The following SOX6 variants were observed in gnomAD, a reference collection of about 807,000 sequenced individuals.
SOX6 encodes SRY-box transcription factor 6, also known as transcription factor SOX-6.
In SOX6, 11 loss-of-function variants were observed where a neutral mutation model predicts 97.8. The ratio of observed to expected loss-of-function variants is 0.11; its 90% confidence interval spans 0.07 to 0.19. The LOEUF (loss-of-function observed/expected upper bound fraction) is 0.19. Ranked by LOEUF, SOX6 falls within the 10% of genes least tolerant of loss-of-function variation. The probability of loss-of-function intolerance (pLI) is 1.00; values close to 1 mark genes in which losing one functional copy is unlikely to be tolerated. For missense variants in SOX6, 810 were observed against 1,039.5 expected (o/e 0.78, Z 3.04); for synonymous variants, 360 against 371.4 (o/e 0.97, Z 0.35).
chr11:16,188,908 C>T (rs1382980457), intron 4 of SOX6, among the ~76,000 whole-genome samples: 1 of 151,844 alleles, frequency 6.6e-6, no homozygotes, highest in African/African-American at 2.4e-5. Context: ...ACTAAAAATA[C>T]AAAAATTAGC....
At chr11:16,469,398 G>A (rs1373650009) in intron 1 of SOX6, among the ~76,000 whole-genome samples, 1 of 152,014 alleles carries the variant, frequency 6.6e-6, no homozygotes, top group African/African-American at 2.4e-5. Context: ...AAAAAGAGAT[G>A]TAAGGTCTTA....
At chr11:16,265,502 A>G (rs1041687048) in intron 3 of SOX6, among the ~76,000 whole-genome samples, 5 of 151,854 alleles carry the variant, frequency 3.3e-5, no homozygotes, top group African/African-American at 9.7e-5. Flanking sequence ...AAGAATATTT[A>G]TAGGAATATC....
chr11:16,463,385 G>A (rs1319407286), intron 1 of SOX6, among the ~76,000 whole-genome samples: 2 of 152,132 alleles, frequency 1.3e-5, no homozygotes, highest in Admixed American at 6.5e-5. Context: ...TTTTAGACTA[G>A]TGTAGAGACT....
At chr11:16,098,784 G>T (rs887441271) in intron 7 of SOX6, among the ~76,000 whole-genome samples, 5 of 151,824 alleles carry the variant, frequency 3.3e-5, no homozygotes, top group South Asian at 2.1e-4. Context: ...ACTGAAAGCT[G>T]AATGTAATAA....
chr11:16,161,345 G>A (rs1327495035), intron 6 of SOX6, among the ~76,000 whole-genome samples: 2 of 150,232 alleles, frequency 1.3e-5, no homozygotes, highest in South Asian at 4.2e-4. Context: ...AGATATATAT[G>A]TCTTATGTTT....
In SOX6 at chr11:16,226,863, T is replaced by G. The variant is rs190582862; in HGVS notation, c.535+7719A>C. Among the ~76,000 whole-genome samples the G allele has an allele frequency of 5.2e-4, 79 of 152,296 alleles. 1 individual carries two copies. In the Middle Eastern group the frequency reaches 0.031, roughly 59 times the overall value. ...ATAGAAAAGGGTAAAAGTGGAGTTA[T>G]TTTAGTTGTTTGTGGGTTGCGGGAG... On this transcript the variant is annotated intron_variant, in intron 4 of 15. Transcript: ENST00000683767.
At chr11:16,670,414 T>C (rs150060473) in intron 3 of SOX6, among the ~76,000 whole-genome samples, 37 of 152,216 alleles carry the variant, frequency 2.4e-4, no homozygotes, top group Admixed American at 6.5e-4. Context: ...CCAGTAACAG[T>C]GACTCCATGT....
At chr11:16,600,864 C>T (rs1015029162) in intron 4 of SOX6, among the ~76,000 whole-genome samples, 37 of 152,220 alleles carry the variant, frequency 2.4e-4, no homozygotes, top group African/African-American at 7.9e-4. Context: ...TTTGAAAAAC[C>T]TCAGGCCAAA....
intron 4 of SOX6, among the ~76,000 whole-genome samples, chr11:16,209,663 G>A (rs1159030320): frequency 1.3e-5 from 2 of 152,058 alleles, no homozygotes. Flanking sequence ...CAAGACACAA[G>A]AATCGTTTCA....
intron 1 of SOX6, among the ~76,000 whole-genome samples, chr11:16,384,733 C>T (rs1053525753): frequency 6.6e-6 from 1 of 152,112 alleles, no homozygotes; most frequent in Non-Finnish European, 1.5e-5. Flanking sequence ...GCAAATTTAG[C>T]TATTACCATG....
intron 2 of SOX6, among the ~76,000 whole-genome samples, chr11:16,724,117 C>G (rs1354472238): frequency 6.6e-6 from 1 of 152,090 alleles, no homozygotes; most frequent in Non-Finnish European, 1.5e-5. Flanking sequence ...TGAGGGAATA[C>G]TTGGATTTTT....
intron 3 of SOX6, 36 bp downstream of exon 3, chr11:16,318,410 A>G: frequency 6.2e-7 from 1 of 1,609,084 alleles, no homozygotes; most frequent in Non-Finnish European, 8.5e-7. Flanking sequence ...CTTTAGAAGA[A>G]AAAAAACAGA....
intron 4 of SOX6, among the ~76,000 whole-genome samples, chr11:16,535,964 A>T (rs889533270): frequency 2.6e-5 from 4 of 152,338 alleles, no homozygotes; most frequent in Admixed American, 2.6e-4. Flanking sequence ...GTACTTTAGG[A>T]CATGACCCAA....
At chr11:16,244,466 A>T (rs1330701465) in intron 3 of SOX6, among the ~76,000 whole-genome samples, 2 of 151,660 alleles carry the variant, frequency 1.3e-5, no homozygotes, top group Non-Finnish European at 3.0e-5. Context: ...CAATTTTTTA[A>T]TGACTAGTAT....
At chr11:16,039,286 A>C (rs768531338) in intron 12 of SOX6, among the ~76,000 whole-genome samples, 1 of 152,178 alleles carries the variant, frequency 6.6e-6, no homozygotes, top group East Asian at 1.9e-4. Flanking sequence ...GTACAACTGT[A>C]CTGTTTTGCT....
intron 2 of SOX6, among the ~76,000 whole-genome samples, chr11:16,734,017 A>T (rs372905122): frequency 3.8e-4 from 56 of 147,618 alleles, no homozygotes; most frequent in African/African-American, 1.4e-3. Flanking sequence ...ACAGAGCGAG[A>T]CTTTGTCTCA....
At chr11:16,718,773 C>T (rs1590063321) in intron 2 of SOX6, among the ~76,000 whole-genome samples, 1 of 151,836 alleles carries the variant, frequency 6.6e-6, no homozygotes, top group East Asian at 1.9e-4. Flanking sequence ...AAATATTACT[C>T]TTCATTTTAA....
At chr11:16,360,158 C>T (rs950474425), upstream of SOX6, among the ~76,000 whole-genome samples, 1 of 152,098 alleles carries the variant, frequency 6.6e-6, no homozygotes, top group Non-Finnish European at 1.5e-5. Flanking sequence ...ATCATTGTCC[C>T]CCATTTCACA....
intron 11 of SOX6, 32 bp downstream of exon 11, chr11:16,049,723 A>G (rs975945200): frequency 6.2e-7 from 1 of 1,611,310 alleles, no homozygotes; most frequent in Non-Finnish European, 8.5e-7. Context: ...CTAATTCGTA[A>G]GTCTCTTCCT....
Sources: allele counts gnomAD v4.1 joint callset (sites outside exome capture counted in the v4.1 genomes callset), GRCh38; gene constraint gnomAD v4.1.1; transcripts MANE v1.5; gene names NCBI Gene and HGNC (gene_info 2026-07-23, HGNC 2026-07-21).